Variants in PKIB observed in about 807,000 individuals in gnomAD.
PKIB encodes the protein PKI-beta.
PKIB carries 2 observed loss-of-function variants against 4.5 expected under a neutral mutation model. The ratio of observed to expected loss-of-function variants is 0.44; its 90% CI spans 0.18 to 1.39. The LOEUF is 1.39. Ranked by LOEUF, PKIB falls within the 40% of genes most tolerant of loss-of-function variation. The pLI is 0.27. For missense variants in PKIB, 94 were observed against 92.6 expected (o/e 1.02, Z -0.06); for synonymous variants, 38 against 36.0 (o/e 1.06, Z -0.20).
At chr6:122,719,139 T>C (rs1015959872) in intron 4 of PKIB, among the ~76,000 whole-genome samples, 2 of 152,164 alleles carry the variant, frequency 1.3e-5, no homozygotes, top group African/African-American at 4.8e-5. Context: ...AGGCAATTAC[T>C]TGTTCGTGTA....
chr6:122,674,855 A>C (rs541487398), intron 2 of PKIB, among the ~76,000 whole-genome samples: 5 of 152,314 alleles, frequency 3.3e-5, no homozygotes, highest in Non-Finnish European at 5.9e-5. Context: ...TGTAGCTGAT[A>C]ATCTTGGGAA....
At chr6:122,582,602 A>G (rs758254923) in intron 2 of PKIB, among the ~76,000 whole-genome samples, 10 of 152,104 alleles carry the variant, frequency 6.6e-5, no homozygotes, top group Admixed American at 6.6e-4. Context: ...ACATATAGAT[A>G]TGTAACCAGT....
chr6:122,604,475 G>A (rs1052989677), intron 3 of PKIB, among the ~76,000 whole-genome samples: 3 of 152,162 alleles, frequency 2.0e-5, no homozygotes, highest in Non-Finnish European at 4.4e-5. Context: ...ACATCCCCTT[G>A]CACCAATTAT....
intron 3 of PKIB, among the ~76,000 whole-genome samples, chr6:122,707,238 CT>C (rs1319027142): frequency 6.6e-6 from 1 of 151,932 alleles, no homozygotes; most frequent in Non-Finnish European, 1.5e-5. Flanking sequence ...CTCAAAACTA[CT>C]CTTAATTTTT....
intron 3 of PKIB, among the ~76,000 whole-genome samples, chr6:122,601,120 C>G (rs1258148525): frequency 1.3e-5 from 2 of 150,222 alleles, no homozygotes; most frequent in Non-Finnish European, 3.0e-5. Context: ...AAATAAAACA[C>G]AGAAAGAAAA....
chr6:122,634,798 C>T (rs535840117), intron 2 of PKIB, among the ~76,000 whole-genome samples: 2 of 151,864 alleles, frequency 1.3e-5, no homozygotes, highest in African/African-American at 2.4e-5. Flanking sequence ...AAAAATTAGC[C>T]GGGTGTGATG....
intron 2 of PKIB, chr6:122,483,569 CAT>C (rs1036508025): frequency 6.6e-6 from 1 of 152,160 alleles, no homozygotes; most frequent in Non-Finnish European, 1.5e-5. Context: ...GTGCATGTAA[CAT>C]ATACCCAGAG....
intron 3 of PKIB, among the ~76,000 whole-genome samples, chr6:122,681,092 C>G (rs542968864): frequency 6.6e-6 from 1 of 152,254 alleles, no homozygotes; most frequent in South Asian, 2.1e-4. Context: ...TACATTTCTT[C>G]CTTTATATCT....
At chr6:122,613,418 A>G (rs990335407) in intron 1 of PKIB, among the ~76,000 whole-genome samples, 1 of 152,194 alleles carries the variant, frequency 6.6e-6, no homozygotes, top group Non-Finnish European at 1.5e-5. Flanking sequence ...TTAGGGATCT[A>G]AGGCCCAAGA....
intron 2 of PKIB, among the ~76,000 whole-genome samples, chr6:122,664,057 C>T (rs28515929): frequency 6.6e-6 from 1 of 152,150 alleles, no homozygotes; most frequent in Non-Finnish European, 1.5e-5. Context: ...AAGGTCTCTA[C>T]AAGATGATGT....
intron 2 of PKIB, among the ~76,000 whole-genome samples, chr6:122,569,161 C>G (rs1459962485): frequency 6.6e-6 from 1 of 152,198 alleles, no homozygotes; most frequent in East Asian, 1.9e-4. Context: ...TAACCCTATC[C>G]CCAACTGGCT....
chr6:122,549,706 T>C (rs1448339438), intron 2 of PKIB, among the ~76,000 whole-genome samples: 5 of 151,930 alleles, frequency 3.3e-5, no homozygotes, highest in Non-Finnish European at 7.4e-5. Flanking sequence ...CAGAATGATA[T>C]GTAACAAAAT....
At position 122,699,284 on chromosome 6, in the gene PKIB, A is replaced by AAAAT. The variant is rs1554233479; in HGVS notation, c.-8-18502_-8-18501insAATA. Reference sequence around the variant, plus strand: ...AAAAAGAATTGCATTTGTGAACTAAAATATATATATATATATTGTGTCTCA... The same window carrying AAAAT: ...AAAAAGAATTGCATTTGTGAACTAAAAAATATATATATATATATATTGTGTCTCA... On this transcript the variant is annotated intron_variant, in intron 3 of 4. Coordinates refer to ENST00000368452, the MANE Select transcript of PKIB (RefSeq NM_181795.3). 1.8e-3 allele frequency among the ~76,000 whole-genome samples: 280 copies of AAAAT among 151,656 alleles called. 7 individuals are homozygous for AAAAT. The East Asian group carries it at 0.047, about 26-fold the overall frequency.
intron 2 of PKIB, among the ~76,000 whole-genome samples, chr6:122,535,032 T>C (rs1015368676): frequency 6.6e-6 from 1 of 152,110 alleles, no homozygotes; most frequent in East Asian, 1.9e-4. Context: ...TTAGTGAAAA[T>C]AGATGCATTT....
intron 2 of PKIB, among the ~76,000 whole-genome samples, chr6:122,518,682 AATAAATGTACCTATTGTT>A (rs1385254599): frequency 6.6e-6 from 1 of 152,128 alleles, no homozygotes; most frequent in Non-Finnish European, 1.5e-5. Flanking sequence ...TCAGGCATTC[AATAAATGTACCTATTGTT>A]ATAACCATCA....
intron 3 of PKIB, among the ~76,000 whole-genome samples, chr6:122,687,544 G>A (rs1778141563): frequency 6.6e-6 from 1 of 152,086 alleles, no homozygotes; most frequent in South Asian, 2.1e-4. Context: ...TATTTAATCT[G>A]TAGATTGCTT....
chr6:122,477,824 A>G (rs775405196), intron 1 of PKIB: 1 of 152,204 alleles, frequency 6.6e-6, no homozygotes, highest in Non-Finnish European at 1.5e-5. Context: ...TGAGTGATTA[A>G]GAACTTTGGG....
At chr6:122,652,282 A>G (rs1776583702) in intron 2 of PKIB, among the ~76,000 whole-genome samples, 1 of 115,560 alleles carries the variant, frequency 8.7e-6, no homozygotes, top group Non-Finnish European at 1.8e-5. Context: ...TTGTGTGCAT[A>G]TATGTTGGTT....
At chr6:122,603,357 T>C (rs533317223) in intron 3 of PKIB, among the ~76,000 whole-genome samples, 1 of 152,340 alleles carries the variant, frequency 6.6e-6, no homozygotes, top group East Asian at 1.9e-4. Flanking sequence ...ATGTTAGAAG[T>C]TGTGAATTCA....
Sources: gnomAD v4.1 joint callset for allele counts (sites outside exome capture counted in the v4.1 genomes callset) on GRCh38, gnomAD v4.1.1 for gene constraint, MANE v1.5 for transcripts, NCBI Gene and HGNC (gene_info 2026-07-23, HGNC 2026-07-21) for gene names.